SHANK2: variants seen among roughly 807,000 people sequenced by gnomAD.
The protein encoded by SHANK2 is SH3 and multiple ankyrin repeat domains 2.
SHANK2 carries 43 observed loss-of-function variants against 133.7 expected under a neutral mutation model. The ratio of observed to expected loss-of-function variants is 0.32; its 90% CI spans 0.25 to 0.41. The LOEUF (loss-of-function observed/expected upper bound fraction) is 0.41, where lower values mean the gene tolerates loss of function less well. Ranked by LOEUF, SHANK2 falls within the 10% of genes least tolerant of loss-of-function variation. The pLI, the probability that SHANK2 is intolerant of heterozygous loss-of-function variation, is 1.00. For synonymous variants in SHANK2, 1,017 were observed against 952.8 expected, an observed-to-expected ratio of 1.07 and a Z score of -1.24; for missense variants, 1,994 against 2,235.8, an observed-to-expected ratio of 0.89 and a Z score of 2.18.
At chr11:70,597,997 C>G (rs1248603378) in intron 17 of SHANK2, among the ~76,000 whole-genome samples, 1 of 152,234 alleles carries the variant, frequency 6.6e-6, no homozygotes, top group Non-Finnish European at 1.5e-5. Context: ...CTGACAGCAG[C>G]TCCTGGAAGC....
At chr11:70,550,015 C>T (rs1047097659) in intron 17 of SHANK2, among the ~76,000 whole-genome samples, 46 of 152,122 alleles carry the variant, frequency 3.0e-4, no homozygotes, top group African/African-American at 9.4e-4. Context: ...GTAGCCTCCC[C>T]GGTCCCCCAG....
intron 9 of SHANK2, among the ~76,000 whole-genome samples, chr11:71,065,272 T>C (rs1052194173): frequency 1.3e-4 from 19 of 144,222 alleles, no homozygotes; most frequent in Non-Finnish European, 2.4e-4. Context: ...TCCAGGGAGA[T>C]AAACAGTGAG....
At chr11:70,641,654 G>A (rs1010606883) in intron 17 of SHANK2, among the ~76,000 whole-genome samples, 2 of 152,254 alleles carry the variant, frequency 1.3e-5, no homozygotes, top group Non-Finnish European at 2.9e-5. Context: ...TCAGGATGGA[G>A]GAGCTGGGAG....
intron 13 of SHANK2, among the ~76,000 whole-genome samples, chr11:70,803,737 C>T (rs1038587602): frequency 6.0e-5 from 9 of 150,472 alleles, no homozygotes; most frequent in South Asian, 2.1e-4. Flanking sequence ...TGCTGGATCT[C>T]GCATAAAGAA....
At chr11:71,128,621 C>A (rs1258369907) in intron 3 of SHANK2, among the ~76,000 whole-genome samples, 1 of 152,158 alleles carries the variant, frequency 6.6e-6, no homozygotes, top group African/African-American at 2.4e-5. Flanking sequence ...CCACAAAGCC[C>A]CTCAGCCACA....
At chr11:70,640,408 T>G (rs933101162) in intron 17 of SHANK2, among the ~76,000 whole-genome samples, 10 of 152,146 alleles carry the variant, frequency 6.6e-5, no homozygotes, top group Non-Finnish European at 1.2e-4. Flanking sequence ...CGGAAGAGGC[T>G]GGGAAGGATC....
chr11:70,499,660 C>T (rs1198478482), intron 21 of SHANK2, among the ~76,000 whole-genome samples: 1 of 152,228 alleles, frequency 6.6e-6, no homozygotes, highest in Non-Finnish European at 1.5e-5. Context: ...GAAGGGTATT[C>T]TGTACCCCGG....
rs773181502 is a variant in SHANK2 at position 70,535,879 on chromosome 11, G to C, written c.2062-32948C>G. On this transcript the variant is annotated intron_variant, in intron 17 of 25. Coordinates refer to ENST00000601538, the MANE Select transcript of SHANK2 (RefSeq NM_012309.5). This position sits in a 1 kb window ranked among gnomAD's most constrained non-coding sequence, Gnocchi z 4.3. ...AAGGTGTCAGGGCCTGGTAAGCTGT[G>C]GGGGAAGCAGTGACTGGCCGGAGAC... Among the ~76,000 whole-genome samples the C allele has an allele frequency of 6.6e-6, 1 of 152,226 alleles. No individual in the cohort carries two copies. The highest frequency in any genetic ancestry group is 1.5e-5 in the Non-Finnish European group (1 of 68,038).
chr11:70,843,973 G>A (rs149066485), intron 11 of SHANK2, among the ~76,000 whole-genome samples: 67 of 152,214 alleles, frequency 4.4e-4, no homozygotes, highest in African/African-American at 1.4e-3. Context: ...CACGGCCTTC[G>A]TGGACGATTC....
At chr11:71,120,856 T>C (rs1952072749) in intron 3 of SHANK2, among the ~76,000 whole-genome samples, 1 of 152,188 alleles carries the variant, frequency 6.6e-6, no homozygotes, top group South Asian at 2.1e-4. Flanking sequence ...ACAGAGCCCA[T>C]GGCTCCCTCC....
chr11:70,610,501 C>T (rs1459972350), intron 17 of SHANK2, among the ~76,000 whole-genome samples: 1 of 152,240 alleles, frequency 6.6e-6, no homozygotes, highest in African/African-American at 2.4e-5. Context: ...ATCTCAGCTT[C>T]TCCCATGCAA....
chr11:70,777,314 T>G (rs946686153), intron 14 of SHANK2, among the ~76,000 whole-genome samples: 1 of 150,344 alleles, frequency 6.7e-6, no homozygotes, highest in African/African-American at 2.5e-5. Context: ...CATGCATCTA[T>G]CTATCCATTC....
At chr11:70,852,870 T>C (rs1334325985) in intron 11 of SHANK2, among the ~76,000 whole-genome samples, 1 of 152,186 alleles carries the variant, frequency 6.6e-6, no homozygotes, top group African/African-American at 2.4e-5. Context: ...CCAGGATGGC[T>C]GTGCTGTTAG....
At chr11:71,128,854 A>G (rs1355450271) in intron 3 of SHANK2, among the ~76,000 whole-genome samples, 5 of 152,214 alleles carry the variant, frequency 3.3e-5, no homozygotes, top group Admixed American at 6.5e-5. Flanking sequence ...GTGCAATCTC[A>G]GCTCACTGCA....
rs552271311 is a variant in SHANK2, at chr11:70,768,514, T to A, written c.1777+29929A>T. On this transcript the variant is annotated intron_variant, in intron 14 of 25. Transcript: ENST00000601538. ...GGTGGCCTGGCCCTGTGGGGAAGCT[T>A]GTTGGCAGCAGAGAGAGCTGGGTGC... Among the ~76,000 whole-genome samples, 10 of 151,900 alleles carry A rather than the reference T, an allele frequency of 6.6e-5. No individual in the cohort carries two copies. The South Asian group carries it at 2.1e-3, about 32-fold the overall frequency.
chr11:70,824,414 G>C (rs1306356705), intron 11 of SHANK2, among the ~76,000 whole-genome samples: 1 of 152,146 alleles, frequency 6.6e-6, no homozygotes, highest in Non-Finnish European at 1.5e-5. Flanking sequence ...AAGATGCCCT[G>C]CTAAGCAGCC....
chr11:70,916,507 A>G (rs1555079891), intron 10 of SHANK2, among the ~76,000 whole-genome samples: 1 of 151,546 alleles, frequency 6.6e-6, no homozygotes, highest in African/African-American at 2.4e-5. Context: ...GTGTGCGTGT[A>G]CACACACACA....
intron 10 of SHANK2, among the ~76,000 whole-genome samples, chr11:70,904,567 G>A (rs1316302745): frequency 3.3e-5 from 5 of 149,748 alleles, no homozygotes; most frequent in African/African-American, 1.2e-4. Context: ...GAGTGCAGTG[G>A]TACAATCTCA....
chr11:70,873,435 G>A (rs58154954), intron 11 of SHANK2, among the ~76,000 whole-genome samples: 2,166 of 152,326 alleles, frequency 0.014, 54 homozygotes, highest in African/African-American at 0.05. Context: ...AGGCAGGCAG[G>A]ATCCCTAACC....
Sources: gnomAD v4.1 joint callset for allele counts (sites outside exome capture counted in the v4.1 genomes callset) on GRCh38, gnomAD v4.1.1 for gene constraint, Gnocchi (gnomAD v3.1) non-coding constraint, MANE v1.5 for transcripts, NCBI Gene and HGNC (gene_info 2026-07-23, HGNC 2026-07-21) for gene names.